The following SLC35F4 variants were observed in gnomAD, a reference collection of about 807,000 sequenced individuals.
SLC35F4 encodes chromosome 14 open reading frame 36.
In SLC35F4, 24 loss-of-function variants were observed where a neutral mutation model predicts 44.2. That is an observed-to-expected ratio of 0.54 (90% CI 0.39 to 0.76). The LOEUF (loss-of-function observed/expected upper bound fraction) is 0.76, where lower values mean the gene tolerates loss of function less well. Among genes scored for constraint, SLC35F4 ranks in the 30% least tolerant of loss-of-function variants. SLC35F4 has a pLI of 0.00. For synonymous variants in SLC35F4, 238 were observed against 223.6 expected, an observed-to-expected ratio of 1.06 and a Z score of -0.57; for missense variants, 562 against 586.1, an observed-to-expected ratio of 0.96 and a Z score of 0.42.
At chr14:57,614,574 A>G (rs2071697288) in intron 1 of SLC35F4, among the ~76,000 whole-genome samples, 1 of 152,254 alleles carries the variant, frequency 6.6e-6, no homozygotes. Flanking sequence ...ATTTTTAATA[A>G]CTAAGAACAA....
intron 4 of SLC35F4, among the ~76,000 whole-genome samples, chr14:57,576,104 T>C (rs1276980160): frequency 1.3e-5 from 2 of 152,174 alleles, no homozygotes; most frequent in Non-Finnish European, 2.9e-5. Context: ...TCACTATGGT[T>C]CCCACTCACA....
intron 1 of SLC35F4, among the ~76,000 whole-genome samples, chr14:57,735,457 A>T (rs2076439481): frequency 6.6e-6 from 1 of 152,118 alleles, no homozygotes; most frequent in African/African-American, 2.4e-5. Flanking sequence ...GCAGGGCCAG[A>T]AGGTTCCAGA....
intron 1 of SLC35F4, among the ~76,000 whole-genome samples, chr14:57,934,785 C>T (rs1347409834): frequency 2.6e-5 from 4 of 152,146 alleles, no homozygotes; most frequent in African/African-American, 7.2e-5. Context: ...AACTGAGAAA[C>T]TGGGTGCAGA....
At chr14:57,772,762 G>A (rs2077398951) in intron 1 of SLC35F4, among the ~76,000 whole-genome samples, 1 of 152,136 alleles carries the variant, frequency 6.6e-6, no homozygotes, top group African/African-American at 2.4e-5. Flanking sequence ...ACTGCTGATG[G>A]ACACTTAGGT....
intron 1 of SLC35F4, among the ~76,000 whole-genome samples, chr14:57,938,562 C>G (rs912624834): frequency 1.3e-5 from 2 of 152,132 alleles, no homozygotes; most frequent in African/African-American, 4.8e-5. Context: ...CACATAAATG[C>G]AAAAGAAAAA....
rs184673549 is a variant in SLC35F4 at position 57,623,598 on chromosome 14, C to A, written c.104-29474G>T. On this transcript the variant is annotated intron_variant, in intron 1 of 7. Coordinates refer to ENST00000556826, the MANE Select transcript of SLC35F4 (RefSeq NM_001306087.2). Reference sequence around the variant, plus strand: ...AAATGCAAAAGAATGGAAATCATAACAGTCTCTCAGACCACAGTGCAATCA... The same window carrying A: ...AAATGCAAAAGAATGGAAATCATAAAAGTCTCTCAGACCACAGTGCAATCA... Among the ~76,000 whole-genome samples, 310 of 152,290 alleles carry A rather than the reference C, an allele frequency of 2.0e-3. 1 individual carries two copies. The highest frequency in any genetic ancestry group is 1.7e-3 in the Non-Finnish European group (115 of 68,018).
chr14:57,766,901 A>C (rs2077248597), intron 1 of SLC35F4, among the ~76,000 whole-genome samples: 1 of 152,250 alleles, frequency 6.6e-6, no homozygotes, highest in African/African-American at 2.4e-5. Flanking sequence ...AATAAAACAC[A>C]GCCCATCTAT....
intron 1 of SLC35F4, among the ~76,000 whole-genome samples, chr14:57,649,251 T>G (rs1418611800): frequency 6.6e-6 from 1 of 152,198 alleles, no homozygotes; most frequent in South Asian, 2.1e-4. Context: ...CAAAACATAA[T>G]GGCTTAAAAC....
At chr14:57,773,410 T>C (rs2077414919) in intron 1 of SLC35F4, among the ~76,000 whole-genome samples, 1 of 152,190 alleles carries the variant, frequency 6.6e-6, no homozygotes, top group South Asian at 2.1e-4. Context: ...GATCTTACAG[T>C]TAATATGGGA....
intron 1 of SLC35F4, among the ~76,000 whole-genome samples, chr14:57,961,166 T>G (rs1890332606): frequency 6.6e-6 from 1 of 152,116 alleles, no homozygotes; most frequent in Admixed American, 6.6e-5. Flanking sequence ...CAAGGACTCA[T>G]GGTTACTCAG....
intron 1 of SLC35F4, among the ~76,000 whole-genome samples, chr14:57,719,142 CT>C (rs1478537950): frequency 6.6e-6 from 1 of 152,124 alleles, no homozygotes; most frequent in African/African-American, 2.4e-5. Context: ...AATGAGTTCA[CT>C]GTAGATGTGT....
chr14:57,633,869 T>C (rs1430388749), intron 1 of SLC35F4, among the ~76,000 whole-genome samples: 3 of 152,116 alleles, frequency 2.0e-5, no homozygotes, highest in Non-Finnish European at 4.4e-5. Flanking sequence ...TTCTTTTTAT[T>C]GCGGAGTGGT....
chr14:57,774,203 G>A (rs929465280), intron 1 of SLC35F4, among the ~76,000 whole-genome samples: 3 of 152,124 alleles, frequency 2.0e-5, no homozygotes, highest in African/African-American at 7.2e-5. Flanking sequence ...ATGCTGGGCT[G>A]AAAGGGGAGG....
chr14:57,566,676 A>G, intron 6 of SLC35F4, 112 bp from the exon 7 acceptor site: 3 of 1,024,452 alleles, frequency 2.9e-6, no homozygotes, highest in East Asian at 2.7e-5. Flanking sequence ...TAAACTGTCT[A>G]TACCTTTGAT....
chr14:57,718,162 G>A (rs1173926749), intron 1 of SLC35F4, among the ~76,000 whole-genome samples: 1 of 152,176 alleles, frequency 6.6e-6, no homozygotes, highest in Non-Finnish European at 1.5e-5. Flanking sequence ...CCATGCTGTT[G>A]CAAATGGTAG....
rs142341732 is a variant in SLC35F4 at position 57,600,421 on chromosome 14, G to A, written c.104-6297C>T. Among the ~76,000 whole-genome samples the A allele has an allele frequency of 6.4e-3, 973 of 151,894 alleles. 7 individuals are homozygous for A. The highest frequency in any genetic ancestry group is 0.022 in the African/African-American group (909 of 41,418). Reference sequence around the variant, plus strand: ...ATATCAATAACTAGGGGCCGGGCGCGGTGGCTCACGCCTGTAATCCCAGCA... The same window carrying A: ...ATATCAATAACTAGGGGCCGGGCGCAGTGGCTCACGCCTGTAATCCCAGCA... On this transcript the variant is annotated intron_variant, in intron 1 of 7. Coordinates refer to ENST00000556826, the MANE Select transcript of SLC35F4 (RefSeq NM_001306087.2).
intron 1 of SLC35F4, among the ~76,000 whole-genome samples, chr14:57,925,258 C>G (rs1889534205): frequency 6.6e-6 from 1 of 152,046 alleles, no homozygotes; most frequent in African/African-American, 2.4e-5. Flanking sequence ...AACTATAGCA[C>G]CATTTTTATA....
At chr14:57,702,992 CTTTATATCAAGCTACAG>C (rs2075580319) in intron 1 of SLC35F4, among the ~76,000 whole-genome samples, 1 of 152,114 alleles carries the variant, frequency 6.6e-6, no homozygotes, top group Admixed American at 6.6e-5. Flanking sequence ...CACACATATT[CTTTATATCAAGCTACAG>C]TGTAGATTGA....
At chr14:57,886,332 T>A (rs1016390676) in intron 1 of SLC35F4, among the ~76,000 whole-genome samples, 1 of 152,184 alleles carries the variant, frequency 6.6e-6, no homozygotes. Flanking sequence ...GTAGGCTGTG[T>A]TCTCATTTGG....
Sources: allele counts gnomAD v4.1 joint callset (sites outside exome capture counted in the v4.1 genomes callset), GRCh38; gene constraint gnomAD v4.1.1; transcripts MANE v1.5; gene names NCBI Gene and HGNC (gene_info 2026-07-23, HGNC 2026-07-21).